Variants in SH2D4A observed in about 807,000 individuals in gnomAD.
The protein encoded by SH2D4A is SH2 domain containing 4A.
SH2D4A carries 70 observed loss-of-function variants against 64.7 expected under a neutral mutation model. That is an observed-to-expected ratio of 1.08 (90% CI 0.89 to 1.32). The LOEUF (loss-of-function observed/expected upper bound fraction) is 1.32. Among genes scored for constraint, SH2D4A ranks in the 40% most tolerant of loss-of-function variants. The pLI, the probability that SH2D4A is intolerant of heterozygous loss-of-function variation, is 0.00. For synonymous variants in SH2D4A, 268 were observed against 200.7 expected (o/e 1.34, Z -2.83); for missense variants, 706 against 540.1 (o/e 1.31, Z -3.04).
intron 8 of SH2D4A, among the ~76,000 whole-genome samples, chr8:19,392,055 A>T (rs2053501972): frequency 6.6e-6 from 1 of 152,038 alleles, no homozygotes. Flanking sequence ...TGTGAGTTTT[A>T]CAGCATTATC....
chr8:19,334,865 C>T lies in SH2D4A; in HGVS notation c.513+8C>T. On this transcript the variant is annotated splice_region_variant and intron_variant, in intron 4 of 9. Transcript: ENST00000265807. ...GAAGAAGAGAAAATCCGAGTGAGTC[C>T]TTACTGTCTGTAGACGTGCGGAATT... The T allele has an allele frequency of 1.9e-6, 3 of 1,601,408 alleles. No homozygotes were observed. The highest frequency in any genetic ancestry group is 1.1e-5 in the South Asian group (1 of 88,484).
At chr8:19,351,287 T>G (rs1358159959) in intron 4 of SH2D4A, among the ~76,000 whole-genome samples, 2 of 152,192 alleles carry the variant, frequency 1.3e-5, no homozygotes, top group Admixed American at 6.5e-5. Context: ...GTATTTGAAT[T>G]CATTCTATCT....
chr8:19,327,980 C>T (rs1398376122), intron 2 of SH2D4A, among the ~76,000 whole-genome samples: 2 of 152,184 alleles, frequency 1.3e-5, no homozygotes, highest in Non-Finnish European at 2.9e-5. Context: ...TTGACACTGC[C>T]CTGTCCCTTT....
intron 1 of SH2D4A, among the ~76,000 whole-genome samples, chr8:19,318,927 G>T (rs1347914882): frequency 1.3e-5 from 2 of 151,294 alleles, no homozygotes; most frequent in African/African-American, 4.8e-5. Context: ...ATCAAAAGTG[G>T]TATTTTCTTT....
chr8:19,315,601 A>G (rs567074294), intron 1 of SH2D4A, among the ~76,000 whole-genome samples: 3 of 152,324 alleles, frequency 2.0e-5, no homozygotes, highest in Non-Finnish European at 4.4e-5. Flanking sequence ...CCTTTTAGCA[A>G]TTGGTGTTCA....
intron 8 of SH2D4A, among the ~76,000 whole-genome samples, chr8:19,379,570 G>C (rs1180502805): frequency 6.6e-6 from 1 of 152,128 alleles, no homozygotes; most frequent in East Asian, 1.9e-4. Flanking sequence ...TAATTCTACG[G>C]TTGAACTTTA....
At chr8:19,368,620 C>CTTTTTTTTTTT (rs34764005) in intron 7 of SH2D4A, among the ~76,000 whole-genome samples, 12 of 136,324 alleles carry the variant, frequency 8.8e-5, no homozygotes, top group East Asian at 2.1e-4. Context: ...AATAAAATTG[C>CTTTTTTTTTTT]TTTTTTTTTT....
chr8:19,392,744 GTT>G (rs2053513967), intron 8 of SH2D4A, among the ~76,000 whole-genome samples: 1 of 148,776 alleles, frequency 6.7e-6, no homozygotes, highest in African/African-American at 2.5e-5. Context: ...TTTTTTTTTT[GTT>G]TTGTTTTTTG....
In SH2D4A at chr8:19,396,031, C is replaced by G. The variant is rs970796267; in HGVS notation, c.*1389C>G. The G allele has an allele frequency of 9.9e-5, 15 of 152,194 alleles. No homozygotes were observed. The highest frequency in any genetic ancestry group is 1.8e-4 in the Non-Finnish European group (12 of 68,074). 9.4% of individuals were successfully genotyped at this position (152,194 alleles called of 1,614,324 possible). On this transcript the variant is annotated 3_prime_UTR_variant, in exon 10 of 10. Transcript: ENST00000265807. ...TGTCCCGTCAGGAATCTTATGCCCT[C>G]CTGGAACCCCCGCCCACCTCAGTCC...
intron 8 of SH2D4A, among the ~76,000 whole-genome samples, chr8:19,379,147 C>G (rs1442555151): frequency 6.6e-6 from 1 of 151,642 alleles, no homozygotes; most frequent in Non-Finnish European, 1.5e-5. Flanking sequence ...CCTTGTAAAA[C>G]TGAAACTACC....
intron 8 of SH2D4A, among the ~76,000 whole-genome samples, chr8:19,375,788 GTTAA>G (rs1186580127): frequency 1.3e-5 from 2 of 152,096 alleles, no homozygotes; most frequent in East Asian, 1.9e-4. Context: ...TGATGGATGT[GTTAA>G]TTAGTTTGAT....
chr8:19,394,831 A>G lies in SH2D4A; in HGVS notation c.*189A>G. 1 of 406,048 alleles carries G rather than the reference A, an allele frequency of 2.5e-6. No individual in the cohort carries two copies. The highest frequency in any genetic ancestry group is 8.2e-5 in the South Asian group (1 of 12,256). 25.2% of individuals were successfully genotyped at this position (406,048 alleles called of 1,614,324 possible). On this transcript the variant is annotated 3_prime_UTR_variant, in exon 10 of 10. Coordinates refer to ENST00000265807, the MANE Select transcript of SH2D4A (RefSeq NM_022071.4). ...ACAAATACTGGAATTCAATGTCAAG[A>G]GAAAATGACCTCTGCTCAAAAGGGA...
intron 1 of SH2D4A, among the ~76,000 whole-genome samples, chr8:19,316,784 A>G (rs1167448129): frequency 6.6e-6 from 1 of 152,198 alleles, no homozygotes; most frequent in East Asian, 1.9e-4. Context: ...GCTGAGTTAG[A>G]GCTGGACTGC....
Position 19,315,346 on chromosome 8 carries a change from A to C in SH2D4A, c.-205+1523A>C, listed in dbSNP as rs193185759. 3.3e-3 allele frequency among the ~76,000 whole-genome samples: 504 copies of C among 152,236 alleles called. 5 individuals carry two copies. Among genetic ancestry groups the C allele is most frequent in the African/African-American group, 0.011 (467 of 41,556 alleles). ...AGACGGAGTTTTGCCATGTTGCCCAAGCAGGTCTTGAACTCCTGAGCTCCA... is the reference window on the plus strand; with the variant it reads ...AGACGGAGTTTTGCCATGTTGCCCACGCAGGTCTTGAACTCCTGAGCTCCA... On this transcript the variant is annotated intron_variant, in intron 1 of 9. Coordinates refer to ENST00000265807, the MANE Select transcript of SH2D4A (RefSeq NM_022071.4).
At chr8:19,344,316 C>G (rs2052578128) in intron 4 of SH2D4A, among the ~76,000 whole-genome samples, 1 of 152,102 alleles carries the variant, frequency 6.6e-6, no homozygotes, top group Non-Finnish European at 1.5e-5. Flanking sequence ...CATTGTTGGC[C>G]AAATGAATCA....
intron 8 of SH2D4A, 31 bp from the exon 9 acceptor site, chr8:19,393,287 G>C (rs753954196): frequency 1.1e-5 from 17 of 1,607,410 alleles, no homozygotes; most frequent in Non-Finnish European, 1.4e-5. Flanking sequence ...TGATTTGGCT[G>C]AAATACCTGC....
At chr8:19,373,481 TA>T in intron 7 of SH2D4A, 48 bp from the exon 8 acceptor site, 2 of 1,442,466 alleles carry the variant, frequency 1.4e-6, no homozygotes, top group South Asian at 3.0e-5. Context: ...TTGAGGGCAT[TA>T]TTTTCAAATT....
intron 4 of SH2D4A, among the ~76,000 whole-genome samples, chr8:19,340,401 A>G (rs34551055): frequency 0.1 from 15,586 of 152,102 alleles, 921 homozygotes; most frequent in Middle Eastern, 0.16. Context: ...GGGTGGAGGA[A>G]CAAGGTAGCA....
intron 2 of SH2D4A, among the ~76,000 whole-genome samples, chr8:19,328,372 T>TA (rs2052316488): frequency 6.6e-6 from 1 of 152,146 alleles, no homozygotes; most frequent in Non-Finnish European, 1.5e-5. Flanking sequence ...TTTTTTTTTT[T>TA]ACTCCTTAAG....
Sources: allele counts gnomAD v4.1 joint callset (sites outside exome capture counted in the v4.1 genomes callset), GRCh38; gene constraint gnomAD v4.1.1; transcripts MANE v1.5; gene names NCBI Gene and HGNC (gene_info 2026-07-23, HGNC 2026-07-21).